The following SH3GL3 variants were observed in gnomAD, a reference collection of about 807,000 sequenced individuals.
The protein encoded by SH3GL3 is endophilin-A3.
In SH3GL3, 33 loss-of-function variants were observed where a neutral mutation model predicts 47.7. The observed-to-expected ratio is 0.69, with a 90% CI of 0.52 to 0.92. The LOEUF is 0.92. Among genes scored for constraint, SH3GL3 ranks in the 40% least tolerant of loss-of-function variants. SH3GL3 has a pLI of 0.00. For missense variants in SH3GL3, 363 were observed against 417.8 expected, an observed-to-expected ratio of 0.87 and a Z score of 1.14; for synonymous variants, 155 against 148.8, an observed-to-expected ratio of 1.04 and a Z score of -0.30.
At position 83,587,997 on chromosome 15, in the gene SH3GL3, T is replaced by G. The variant is rs530212860; in HGVS notation, c.729-665T>G. ...TGACAGGAGTGTATTTTCATAATTCTATCATAATCTATAAGAGTAGAGTGA... is the reference window on the plus strand; with the variant it reads ...TGACAGGAGTGTATTTTCATAATTCGATCATAATCTATAAGAGTAGAGTGA... On this transcript the variant is annotated intron_variant, in intron 7 of 8. Transcript: ENST00000427482. 4.6e-5 allele frequency among the ~76,000 whole-genome samples: 7 copies of G among 152,328 alleles called. No individual in the cohort carries two copies. The South Asian group carries it at 1.5e-3, about 32-fold the overall frequency.
intron 1 of SH3GL3, chr15:83,490,603 C>A: frequency 1.9e-6 from 1 of 532,512 alleles, no homozygotes; most frequent in Non-Finnish European, 3.2e-6. Context: ...CAGTTGGCCC[C>A]CCTACAACCT....
chr15:83,485,439 T>C (rs2035794386), intron 1 of SH3GL3, among the ~76,000 whole-genome samples: 5 of 152,208 alleles, frequency 3.3e-5, no homozygotes, highest in Admixed American at 3.3e-4. Flanking sequence ...CTCCTCTTTT[T>C]CCATTGGCTG....
Position 83,572,444 on chromosome 15 carries a change from C to T in SH3GL3, c.332-121C>T, listed in dbSNP as rs889191083. On this transcript the variant is annotated intron_variant, in intron 4 of 8. Transcript: ENST00000427482. ...ATTCTGATCCAGGATTCAGAGGTCC[C>T]GGAGCAAGGACCTTGCTACACCATC... The T allele has an allele frequency of 4.2e-5, 32 of 763,256 alleles. No individual in the cohort carries two copies. In the East Asian group the frequency reaches 6.7e-4, roughly 16 times the overall value. 47.3% of individuals were successfully genotyped at this position (763,256 alleles called of 1,614,324 possible).
chr15:83,541,858 T>C (rs1399948764), intron 1 of SH3GL3, among the ~76,000 whole-genome samples: 3 of 152,222 alleles, frequency 2.0e-5, no homozygotes, highest in African/African-American at 7.2e-5. Flanking sequence ...TTTATTCTGG[T>C]TATTAATCCC....
At chr15:83,520,150 C>T (rs964695056) in intron 1 of SH3GL3, among the ~76,000 whole-genome samples, 1 of 152,080 alleles carries the variant, frequency 6.6e-6, no homozygotes, top group Admixed American at 6.5e-5. Flanking sequence ...AGGTGAGGAG[C>T]CCTGAGGCTA....
downstream of SH3GL3, among the ~76,000 whole-genome samples, chr15:83,620,967 C>A (rs2060914096): frequency 6.6e-6 from 1 of 152,198 alleles, no homozygotes; most frequent in African/African-American, 2.4e-5. Context: ...CTTCACCTTG[C>A]ACATTTATGT....
intron 1 of SH3GL3, among the ~76,000 whole-genome samples, chr15:83,544,031 A>T (rs186438267): frequency 1.5e-4 from 22 of 149,480 alleles, no homozygotes; most frequent in Admixed American, 4.6e-4. Context: ...CCTGATTTTA[A>T]TTTTTTTTTC....
At chr15:83,536,678 A>G (rs1179185607) in intron 1 of SH3GL3, among the ~76,000 whole-genome samples, 2 of 152,078 alleles carry the variant, frequency 1.3e-5, no homozygotes, top group Non-Finnish European at 2.9e-5. Flanking sequence ...GTAAGCCACC[A>G]TGCCCAGCCA....
intron 8 of SH3GL3, among the ~76,000 whole-genome samples, chr15:83,606,819 A>G (rs2060527110): frequency 6.6e-6 from 1 of 152,244 alleles, no homozygotes; most frequent in Non-Finnish European, 1.5e-5. Context: ...TTCTAGCTCT[A>G]AATTCTGTGG....
intron 8 of SH3GL3, among the ~76,000 whole-genome samples, chr15:83,604,425 G>T (rs2060464872): frequency 6.6e-6 from 1 of 152,104 alleles, no homozygotes; most frequent in African/African-American, 2.4e-5. Flanking sequence ...TCACAGACTG[G>T]CAGTGTAGAG....
Position 83,565,126 on chromosome 15 carries a change from C to T in SH3GL3, c.115-8C>T, listed in dbSNP as rs757519795. ...ATTTACTAACTTTTTTTAAATTTTG[C>T]TTTTAAGAAAATAGATGTTACCAAT... On this transcript the variant is annotated splice_polypyrimidine_tract_variant and splice_region_variant and intron_variant, in intron 2 of 8. Coordinates refer to ENST00000427482, the MANE Select transcript of SH3GL3 (RefSeq NM_003027.5). 4 of 1,371,858 alleles carry T rather than the reference C, an allele frequency of 2.9e-6. No individual in the cohort carries two copies. Among genetic ancestry groups the T allele is most frequent in the Admixed American group, 1.9e-5 (1 of 51,360 alleles). The allele number at this position is 1,371,858 out of a possible 1,614,324, so 85.0% of individuals were successfully genotyped here.
rs2039539309 is a variant in SH3GL3 at position 83,448,157 on chromosome 15, CGGTGTCGGCCCG to C, written c.45+582_45+593del. On this transcript the variant is annotated intron_variant, in intron 1 of 8. Coordinates refer to ENST00000427482, the MANE Select transcript of SH3GL3 (RefSeq NM_003027.5). This position sits in a 1 kb window ranked among gnomAD's most constrained non-coding sequence, Gnocchi z 4.2. ...GTCCTTCCCCTCCCCACCGTCTTCC[CGGTGTCGGCCCG>C]GGGCTGGGCATCACGCTTCTGCTCT... Among the ~76,000 whole-genome samples the C allele has an allele frequency of 6.6e-6, 1 of 152,190 alleles. No individual in the cohort carries two copies.
At chr15:83,527,314 TAA>T (rs1453438620) in intron 1 of SH3GL3, among the ~76,000 whole-genome samples, 1 of 152,202 alleles carries the variant, frequency 6.6e-6, no homozygotes, top group Non-Finnish European at 1.5e-5. Flanking sequence ...GATAGTGGGA[TAA>T]AGTCTTCCAC....
intron 8 of SH3GL3, among the ~76,000 whole-genome samples, chr15:83,595,507 T>TAA (rs71156088): frequency 4.4e-5 from 6 of 135,328 alleles, no homozygotes; most frequent in South Asian, 2.4e-4. Flanking sequence ...ACCTAAAAGT[T>TAA]AAAAAAAAAA....
chr15:83,572,466 C>T, intron 4 of SH3GL3, 99 bp from the exon 5 acceptor site: 2 of 1,012,228 alleles, frequency 2.0e-6, no homozygotes, highest in Non-Finnish European at 2.9e-6. Context: ...CTTGCTACAC[C>T]ATCATCCACA....
intron 1 of SH3GL3, among the ~76,000 whole-genome samples, chr15:83,510,469 A>G (rs2042700307): frequency 6.6e-6 from 1 of 152,182 alleles, no homozygotes; most frequent in Non-Finnish European, 1.5e-5. Context: ...CAGTTTGTTT[A>G]TTATGTAAAG....
rs922937958 is a variant in SH3GL3 at position 83,576,464 on chromosome 15, G to C, written c.466-119G>C. The C allele has an allele frequency of 3.4e-5, 29 of 846,750 alleles. 2 individuals are homozygous for C. In the South Asian group the frequency reaches 4.8e-4, roughly 14 times the overall value. The allele number at this position is 846,750 out of a possible 1,614,324, so 52.5% of individuals were successfully genotyped here. A position where few individuals can be genotyped will look rare whatever the true frequency, so the allele number is the denominator to read the frequency against. On this transcript the variant is annotated intron_variant, in intron 5 of 8. Coordinates refer to ENST00000427482, the MANE Select transcript of SH3GL3 (RefSeq NM_003027.5). ...GTGCTCCCAACAGCAGTGTAAGGTG[G>C]GTTCCTGCCCTCTGGAATCTAGGCC...
intron 4 of SH3GL3, among the ~76,000 whole-genome samples, chr15:83,569,960 C>A (rs1489462257): frequency 6.6e-6 from 1 of 152,202 alleles, no homozygotes; most frequent in East Asian, 1.9e-4. Context: ...CATTTGCCTT[C>A]AGACCTTGTA....
At chr15:83,564,330 T>C (rs1208780828) in intron 2 of SH3GL3, among the ~76,000 whole-genome samples, 1 of 152,232 alleles carries the variant, frequency 6.6e-6, no homozygotes, top group East Asian at 1.9e-4. Flanking sequence ...AAATTGAGTT[T>C]TCCCATCTAA....
Sources: allele counts gnomAD v4.1 joint callset (sites outside exome capture counted in the v4.1 genomes callset), GRCh38; gene constraint gnomAD v4.1.1; non-coding constraint Gnocchi (gnomAD v3.1); transcripts MANE v1.5; gene names NCBI Gene and HGNC (gene_info 2026-07-23, HGNC 2026-07-21).